SLC27A1: variants seen among roughly 807,000 people sequenced by gnomAD.
SLC27A1 encodes solute carrier family 27 member 1, also known as long-chain fatty acid transport protein 1.
A neutral mutation model predicts 62.2 loss-of-function variants in SLC27A1; 61 were observed. The observed-to-expected ratio is 0.98, with a 90% CI of 0.80 to 1.21. SLC27A1 has a LOEUF of 1.21. SLC27A1 is among the 50% of genes most tolerant of loss of function. The pLI is 0.00. For missense variants in SLC27A1, 903 were observed against 932.1 expected (o/e 0.97, Z 0.41); for synonymous variants, 435 against 408.6 (o/e 1.06, Z -0.78).
Position 17,486,888 on chromosome 19 carries a change from G to C in SLC27A1, c.493G>C (p.Glu165Gln), listed in dbSNP as rs1380376807. 6.3e-7 allele frequency: 1 copy of C among 1,588,994 alleles called. No homozygotes were observed. Among genetic ancestry groups the C allele is most frequent in the African/African-American group, 1.3e-5 (1 of 74,826 alleles). Residue 165 changes from glutamate (E) to glutamine (Q), a missense_variant, in exon 2 of 12, where the codon GAG becomes CAG. Transcript: ENST00000252595. This position sits in a 1 kb window ranked among gnomAD's most constrained non-coding sequence, Gnocchi z 6.6. ...GCTGCTCAACGTGAACCTGCGGCGC[G>C]AGCCCCTGGCCTTCTGCCTGGGCAC... Reference protein sequence around the residue: ...AALLNVNLRREPLAFCLGTSG... With the variant: ...AALLNVNLRRQPLAFCLGTSG...
intron 1 of SLC27A1, among the ~76,000 whole-genome samples, chr19:17,482,084 G>A (rs2075183906): frequency 6.6e-6 from 1 of 152,158 alleles, no homozygotes; most frequent in South Asian, 2.1e-4. Context: ...TGCTCCAGGA[G>A]AGCTGGGTCT....
At position 17,487,297 on chromosome 19, in the gene SLC27A1, C is replaced by G; in HGVS notation, c.686C>G (p.Thr229Ser). The G allele has an allele frequency of 1.2e-6, 2 of 1,613,278 alleles. No individual in the cohort carries two copies. The highest frequency in any genetic ancestry group is 1.7e-6 in the Non-Finnish European group (2 of 1,179,740). The change falls in exon 3 of 12, where the codon ACT becomes AGT. Residue 229 changes from threonine (T) to serine (S), a missense_variant. Physicochemically the swap from Thr to Ser is moderately conservative, Grantham distance 58. Coordinates refer to ENST00000252595, the MANE Select transcript of SLC27A1 (RefSeq NM_198580.3). ...LLDPLLKEAS[T>S]APLAQIPSKG... ...GACCCGCTGCTGAAGGAGGCCTCTA[C>G]TGCCCCCTTGGCACAGATCCCCAGC...
At chr19:17,501,849 C>A (rs1749136244) in intron 11 of SLC27A1, among the ~76,000 whole-genome samples, 1 of 149,104 alleles carries the variant, frequency 6.7e-6, no homozygotes, top group Non-Finnish European at 1.5e-5. Context: ...TGGTGGCTCC[C>A]GCCTGTAATC....
intron 1 of SLC27A1, among the ~76,000 whole-genome samples, chr19:17,485,259 G>A (rs576835920): frequency 5.1e-5 from 7 of 137,330 alleles, no homozygotes; most frequent in East Asian, 4.2e-4. Context: ...GCGTGATCTC[G>A]GCTCACTGCA....
chr19:17,492,706 G>A (rs957506119), intron 6 of SLC27A1, among the ~76,000 whole-genome samples: 23 of 151,878 alleles, frequency 1.5e-4, no homozygotes, highest in African/African-American at 5.1e-4. Flanking sequence ...GGGAGGCCGA[G>A]GCGGGTGGAT....
Position 17,470,792 on chromosome 19 carries a change from G to C in SLC27A1, c.167+85G>C. 5 of 1,306,870 alleles carry C rather than the reference G, an allele frequency of 3.8e-6. No homozygotes were observed. In the South Asian group the frequency reaches 8.3e-5, roughly 22 times the overall value. 81.0% of individuals were successfully genotyped at this position (1,306,870 alleles called of 1,614,324 possible). A position where few individuals can be genotyped will look rare whatever the true frequency, so the allele number is the denominator to read the frequency against. On this transcript the variant is annotated intron_variant, in intron 1 of 11. Coordinates refer to ENST00000252595, the MANE Select transcript of SLC27A1 (RefSeq NM_198580.3). ...CGGTGCAGGGCTGGGTTGCGGGGACGGCTTGGAGGGTCCGGAGAGCTGAGG... is the reference window on the plus strand; with the variant it reads ...CGGTGCAGGGCTGGGTTGCGGGGACCGCTTGGAGGGTCCGGAGAGCTGAGG...
chr19:17,500,946 A>C, intron 10 of SLC27A1, 70 bp downstream of exon 10: 1 of 1,468,118 alleles, frequency 6.8e-7, no homozygotes, highest in Non-Finnish European at 9.0e-7. Context: ...GGGGCTTAGA[A>C]GTACACATGC....
rs747474670 is a variant in SLC27A1, at chr19:17,500,323, C to T, written c.1252C>T (p.Pro418Ser). ...FNSRILPHVY[P>S]IRLVKVNEDT... ...CAGCCGCATCCTGCCCCACGTGTAC[C>T]CCATCCGGCTGGTGAAGGTCAATGA... is the stretch of plus-strand genomic sequence containing the variant. Residue 418 changes from proline to serine, a missense_variant, in exon 8 of 12, where the codon CCC (proline) becomes TCC (serine). Transcript: ENST00000252595. 3.9e-5 allele frequency: 63 copies of T among 1,614,230 alleles called. No homozygotes were observed. The Middle Eastern group carries it at 5.4e-3, about 139-fold the overall frequency.
chr19:17,504,339 A>C, intron 11 of SLC27A1, 116 bp from the exon 12 acceptor site: 1 of 1,312,002 alleles, frequency 7.6e-7, no homozygotes, highest in Non-Finnish European at 1.1e-6. Flanking sequence ...GGGGAAGAAC[A>C]TTCCTGCCCA....
In SLC27A1 at chr19:17,487,263, C is replaced by G; in HGVS notation, c.652C>G (p.His218Asp). The part of the protein sequence containing the change: ...LGPEGILPDT[H>D]LLDPLLKEAS... ...GCCCGAGGGCATCTTGCCGGACACC[C>G]ACCTCCTGGACCCGCTGCTGAAGGA... Residue 218 changes from histidine (H) to aspartate (D), a missense_variant, in exon 3 of 12, where the codon CAC (histidine) becomes GAC (aspartate). Physicochemically the swap from His to Asp is moderately conservative, Grantham distance 81 (BLOSUM62 -1). Transcript: ENST00000252595. 6.2e-7 allele frequency: 1 copy of G among 1,614,006 alleles called. No individual in the cohort carries two copies. The highest frequency in any genetic ancestry group is 8.5e-7 in the Non-Finnish European group (1 of 1,179,946).
At chr19:17,470,023 A>G (rs1224380784), upstream of SLC27A1, among the ~76,000 whole-genome samples, 1 of 151,790 alleles carries the variant, frequency 6.6e-6, no homozygotes, top group Non-Finnish European at 1.5e-5. Context: ...GGCGGGGCCC[A>G]GTGAGTGGTG....
chr19:17,499,806 CTA>C (rs1178595871), intron 7 of SLC27A1: 1 of 161,086 alleles, frequency 6.2e-6, no homozygotes, highest in Admixed American at 5.8e-5. Flanking sequence ...GAGTAAGACT[CTA>C]TAAAAAAAGG....
chr19:17,497,669 C>CTGCACAG, intron 7 of SLC27A1: 1 of 624,272 alleles, frequency 1.6e-6, no homozygotes, highest in South Asian at 1.8e-5. Context: ...CACAGATAGT[C>CTGCACAG]ATGTGACTGT....
rs1056972617 is a variant in SLC27A1, at chr19:17,505,455, C to G, written c.*843C>G. ...CGCCCTCCCTGCTGAATGGAGGAGC[C>G]GGGGGTCCCCCAGGCCAACTGGAAA... On this transcript the variant is annotated 3_prime_UTR_variant, in exon 12 of 12. Coordinates refer to ENST00000252595, the MANE Select transcript of SLC27A1 (RefSeq NM_198580.3). The G allele has an allele frequency of 1.3e-5, 2 of 153,866 alleles. No individual in the cohort carries two copies. The highest frequency in any genetic ancestry group is 4.1e-4 in the South Asian group (2 of 4,892). The allele number at this position is 153,866 out of a possible 1,614,324, so 9.5% of individuals were successfully genotyped here.
intron 7 of SLC27A1, 36 bp from the exon 8 acceptor site, chr19:17,500,242 C>T (rs1015325772): frequency 1.2e-6 from 2 of 1,605,230 alleles, no homozygotes; most frequent in East Asian, 2.2e-5. Flanking sequence ...CCCCGCATAT[C>T]CCCGGCTCCT....
intron 1 of SLC27A1, among the ~76,000 whole-genome samples, chr19:17,475,626 G>A (rs1368825215): frequency 1.3e-5 from 2 of 152,186 alleles, no homozygotes; most frequent in Non-Finnish European, 2.9e-5. Context: ...ACACACAGCC[G>A]GGGAGGCACA....
intron 6 of SLC27A1, among the ~76,000 whole-genome samples, chr19:17,491,670 T>C (rs1396035717): frequency 2.6e-5 from 4 of 152,064 alleles, no homozygotes; most frequent in African/African-American, 7.2e-5. Context: ...CCAAGAGTTG[T>C]AGACCAGCCT....
chr19:17,469,373 GA>G (rs1454038721), upstream of SLC27A1, among the ~76,000 whole-genome samples: 1 of 152,026 alleles, frequency 6.6e-6, no homozygotes, highest in Non-Finnish European at 1.5e-5. Flanking sequence ...GGACAAGCTG[GA>G]GCAAGAATAC....
rs139067545 is a variant in SLC27A1 at position 17,490,765 on chromosome 19, C to T, written c.996+1648C>T. Among the ~76,000 whole-genome samples, 379 of 152,224 alleles carry T rather than the reference C, an allele frequency of 2.5e-3. 5 individuals are homozygous for T. Among genetic ancestry groups the T allele is most frequent in the African/African-American group, 7.7e-3 (321 of 41,550 alleles). On this transcript the variant is annotated intron_variant, in intron 6 of 11. Coordinates refer to ENST00000252595, the MANE Select transcript of SLC27A1 (RefSeq NM_198580.3). Reference sequence around the variant, plus strand: ...AAATTTGGCCAGGCACAGTGGCTCACGCCTGTAATCCCTGTACTTCGGGAG... The same window carrying T: ...AAATTTGGCCAGGCACAGTGGCTCATGCCTGTAATCCCTGTACTTCGGGAG...
Sources: gnomAD v4.1 joint callset for allele counts (sites outside exome capture counted in the v4.1 genomes callset) on GRCh38, gnomAD v4.1.1 for gene constraint, Gnocchi (gnomAD v3.1) non-coding constraint, MANE v1.5 for transcripts, NCBI Gene and HGNC (gene_info 2026-07-23, HGNC 2026-07-21) for gene names.